The following WAPL variants were observed in gnomAD, a reference collection of about 807,000 sequenced individuals.
WAPL encodes WAPL cohesin release factor.
WAPL carries 5 observed loss-of-function variants against 121.0 expected under a neutral mutation model. The ratio of observed to expected loss-of-function variants is 0.04; its 90% CI spans 0.02 to 0.09. The LOEUF is 0.09. Among genes scored for constraint, WAPL ranks in the 10% least tolerant of loss-of-function variants. The pLI is 1.00. For missense variants in WAPL, 999 were observed against 1,410.8 expected (o/e 0.71, Z 4.68); for synonymous variants, 480 against 481.5 (o/e 1.00, Z 0.04).
chr10:86,473,931 G>C lies in WAPL; in HGVS notation c.1687C>G (p.Pro563Ala). The C allele has an allele frequency of 6.2e-7, 1 of 1,614,002 alleles. No individual in the cohort carries two copies. Among genetic ancestry groups the C allele is most frequent in the Non-Finnish European group, 8.5e-7 (1 of 1,179,974 alleles). ...GGCCCAGGCAGTTCTTCTGAATCTG[G>C]ATGATTCCAATGTCTGGCATTATAT... ...AVYNARHWNH[P>A]DSEELPGPPV... Residue 563 changes from proline (P) to alanine (A), a missense_variant, in exon 5 of 19, where the codon CCA becomes GCA. This residue lies in a region of WAPL where 74 missense variants were observed against 115.1 expected (regional missense o/e 0.64). Coordinates refer to ENST00000298767, the MANE Select transcript of WAPL (RefSeq NM_015045.5).
intron 2 of WAPL, among the ~76,000 whole-genome samples, chr10:86,516,670 CTTA>C (rs1842561348): frequency 6.6e-6 from 1 of 152,098 alleles, no homozygotes; most frequent in African/African-American, 2.4e-5. Context: ...ACCTTTTTCA[CTTA>C]TTATAAATCT....
chr10:86,458,021 T>C (rs1841189701), intron 12 of WAPL, among the ~76,000 whole-genome samples: 1 of 152,266 alleles, frequency 6.6e-6, no homozygotes, highest in Non-Finnish European at 1.5e-5. Flanking sequence ...TTACACTATT[T>C]ATATTTGAAT....
rs994726973 is a variant in WAPL, at chr10:86,437,369, A to G, written c.*174T>C. The G allele has an allele frequency of 1.2e-5, 7 of 598,816 alleles. No individual in the cohort carries two copies. The Admixed American group carries it at 2.0e-4, about 17-fold the overall frequency. The allele number at this position is 598,816 out of a possible 1,614,324, so 37.1% of individuals were successfully genotyped here. A position where few individuals can be genotyped will look rare whatever the true frequency, so the allele number is the denominator to read the frequency against. ...GTTGCAGATTGATGTAGTAACTGTCATTTAGCAAATGCCGAATGCATGACG... is the reference window on the plus strand; with the variant it reads ...GTTGCAGATTGATGTAGTAACTGTCGTTTAGCAAATGCCGAATGCATGACG... On this transcript the variant is annotated 3_prime_UTR_variant, in exon 19 of 19. Coordinates refer to ENST00000298767, the MANE Select transcript of WAPL (RefSeq NM_015045.5).
At chr10:86,480,962 T>TTTA (rs758869203) in intron 4 of WAPL, among the ~76,000 whole-genome samples, 19 of 152,222 alleles carry the variant, frequency 1.2e-4, no homozygotes, top group Non-Finnish European at 2.6e-4. Context: ...AACCAGAGAC[T>TTTA]GGTAAGCCAG....
intron 9 of WAPL, among the ~76,000 whole-genome samples, chr10:86,466,580 A>T (rs770949110): frequency 9.2e-5 from 14 of 152,132 alleles, no homozygotes; most frequent in Admixed American, 3.9e-4. Context: ...AAAAAACAGT[A>T]ATTATTACTA....
intron 12 of WAPL, among the ~76,000 whole-genome samples, chr10:86,455,354 T>C (rs1841116680): frequency 6.6e-6 from 1 of 152,208 alleles, no homozygotes. Context: ...TCTTCTGCCT[T>C]GGGATGCTGT....
At chr10:86,461,331 T>C in intron 9 of WAPL, 44 bp from the exon 10 acceptor site, 1 of 1,483,896 alleles carries the variant, frequency 6.7e-7, no homozygotes, top group Non-Finnish European at 9.3e-7. Flanking sequence ...CTTTTAGCAA[T>C]AACTCTAGAA....
chr10:86,486,613 A>C (rs1468819232), intron 4 of WAPL, among the ~76,000 whole-genome samples: 1 of 152,212 alleles, frequency 6.6e-6, no homozygotes, highest in Non-Finnish European at 1.5e-5. Context: ...GAGTTAGACA[A>C]AAGATAGTGC....
chr10:86,505,271 A>ATG (rs1842324445), intron 2 of WAPL, among the ~76,000 whole-genome samples: 1 of 131,908 alleles, frequency 7.6e-6, no homozygotes, highest in African/African-American at 2.8e-5. Flanking sequence ...AAGTACTGGG[A>ATG]TTACAAGCTT....
chr10:86,514,772 C>T (rs1842524199), intron 2 of WAPL, among the ~76,000 whole-genome samples: 1 of 152,306 alleles, frequency 6.6e-6, no homozygotes, highest in Middle Eastern at 3.4e-3. Flanking sequence ...CATTCCTTTT[C>T]CCCCTTACCT....
chr10:86,521,654 G>A lies in WAPL; in HGVS notation c.-312C>T. On this transcript the variant is annotated 5_prime_UTR_variant, in exon 1 of 19. Transcript: ENST00000298767. ...CAGAGCCTGCTGTGTGCCCCCGCTG[G>A]GCCGCCGCCGCCTCCTGCGCCGCCG... 2.2e-6 allele frequency: 1 copy of A among 462,348 alleles called. No individual in the cohort carries two copies. The highest frequency in any genetic ancestry group is 4.5e-6 in the Non-Finnish European group (1 of 224,010). The allele number at this position is 462,348 out of a possible 1,614,324, so 28.6% of individuals were successfully genotyped here.
At position 86,453,300 on chromosome 10, in the gene WAPL, G is replaced by A; in HGVS notation, c.2869C>T (p.Leu957Phe). The A allele has an allele frequency of 1.2e-6, 2 of 1,614,086 alleles. No individual in the cohort carries two copies. The highest frequency in any genetic ancestry group is 1.7e-6 in the Non-Finnish European group (2 of 1,180,020). ...GSTKTGEQDG[L>F]IGTALNCVLQ... ...ACACAGTTCAGCGCTGTGCCTATGA[G>A]ACCGTCCTGCTCTCCTGTTTTGGTG... Residue 957 changes from leucine (L) to phenylalanine (F), a missense_variant, in exon 14 of 19, where the codon CTC (leucine) becomes TTC (phenylalanine). Around this residue, in one of 7 missense-constraint regions of WAPL, gnomAD observed 85 missense variants for 133.5 expected, o/e 0.64. Coordinates refer to ENST00000298767, the MANE Select transcript of WAPL (RefSeq NM_015045.5).
chr10:86,518,169 G>C, intron 1 of WAPL, 78 bp from the exon 2 acceptor site: 8 of 1,377,106 alleles, frequency 5.8e-6, no homozygotes, highest in Non-Finnish European at 7.7e-6. Context: ...AAAAACCTAG[G>C]GATTCTTCCC....
At chr10:86,475,896 T>C (rs1841639526) in intron 4 of WAPL, among the ~76,000 whole-genome samples, 1 of 152,212 alleles carries the variant, frequency 6.6e-6, no homozygotes, top group African/African-American at 2.4e-5. Flanking sequence ...AAAGCATTGA[T>C]TGGGCTAGGC....
intron 9 of WAPL, among the ~76,000 whole-genome samples, chr10:86,464,223 T>C (rs926665234): frequency 1.3e-5 from 2 of 152,154 alleles, no homozygotes; most frequent in African/African-American, 4.8e-5. Context: ...CTAACATTAG[T>C]GGGGAAAAGA....
chr10:86,495,623 T>C (rs955290332), intron 4 of WAPL, among the ~76,000 whole-genome samples: 2 of 152,164 alleles, frequency 1.3e-5, no homozygotes, highest in Non-Finnish European at 2.9e-5. Flanking sequence ...CTGGCAACAA[T>C]TTATTGGATA....
chr10:86,437,708 C>A, intron 18 of WAPL, 100 bp from the exon 19 acceptor site: 1 of 1,284,632 alleles, frequency 7.8e-7, no homozygotes, highest in Non-Finnish European at 1.1e-6. Context: ...AAACTGAACA[C>A]TACAAATCAA....
chr10:86,446,099 T>C, intron 16 of WAPL, 143 bp downstream of exon 16: 1 of 838,478 alleles, frequency 1.2e-6, no homozygotes, highest in Non-Finnish European at 1.8e-6. Flanking sequence ...AGCACTTAAG[T>C]ATCAAAGCTT....
chr10:86,440,650 G>A (rs767502809), intron 17 of WAPL, among the ~76,000 whole-genome samples: 11 of 151,906 alleles, frequency 7.2e-5, no homozygotes, highest in African/African-American at 1.7e-4. Flanking sequence ...GTGTGTGATG[G>A]GTTTCTGATT....
Sources: gnomAD v4.1 joint callset for allele counts (sites outside exome capture counted in the v4.1 genomes callset) on GRCh38, gnomAD v4.1.1 for gene constraint, gnomAD v4.1.1 regional missense constraint, MANE v1.5 for transcripts, NCBI Gene and HGNC (gene_info 2026-07-23, HGNC 2026-07-21) for gene names.